MGAT4C: variants seen among roughly 807,000 people sequenced by gnomAD.
The protein encoded by MGAT4C is alpha-1,3-mannosyl-glycoprotein 4-beta-N-acetylglucosaminyltransferase C.
Under a neutral mutation model 40.1 loss-of-function variants are expected in MGAT4C, and 19 were observed. The ratio of observed to expected loss-of-function variants is 0.47; its 90% CI spans 0.33 to 0.70. MGAT4C has a LOEUF of 0.70. Among genes scored for constraint, MGAT4C ranks in the 30% least tolerant of loss-of-function variants. The pLI, the probability that MGAT4C is intolerant of heterozygous loss-of-function variation, is 0.02. For missense variants in MGAT4C, 491 were observed against 563.2 expected (o/e 0.87, Z 1.30); for synonymous variants, 181 against 187.1 (o/e 0.97, Z 0.27).
intron 4 of MGAT4C, among the ~76,000 whole-genome samples, chr12:86,327,435 C>G (rs1474072682): frequency 1.3e-5 from 2 of 151,994 alleles, no homozygotes; most frequent in African/African-American, 2.4e-5. Context: ...AGTCACCACC[C>G]TGCTAACTTT....
At chr12:86,511,219 A>C (rs1372372333) in intron 2 of MGAT4C, among the ~76,000 whole-genome samples, 1 of 152,070 alleles carries the variant, frequency 6.6e-6, no homozygotes, top group Non-Finnish European at 1.5e-5. Flanking sequence ...ATGGAAACTG[A>C]ACAACCTGCT....
chr12:86,520,742 AT>A (rs1958779278), intron 2 of MGAT4C, among the ~76,000 whole-genome samples: 1 of 151,816 alleles, frequency 6.6e-6, no homozygotes, highest in Non-Finnish European at 1.5e-5. Flanking sequence ...AGCACCTGTT[AT>A]TTTTTTCACT....
chr12:86,092,338 T>C (rs1873031360), intron 1 of MGAT4C, among the ~76,000 whole-genome samples: 1 of 152,134 alleles, frequency 6.6e-6, no homozygotes, highest in Admixed American at 6.6e-5. Context: ...GGAGATAAAT[T>C]ACTATTATCC....
chr12:86,116,451 A>T (rs1878436992), intron 1 of MGAT4C, among the ~76,000 whole-genome samples: 1 of 151,998 alleles, frequency 6.6e-6, no homozygotes, highest in African/African-American at 2.4e-5. Flanking sequence ...AACCAACAAG[A>T]CATATGTTAG....
At chr12:86,287,237 TC>T (rs1265288691) in intron 4 of MGAT4C, among the ~76,000 whole-genome samples, 1 of 152,130 alleles carries the variant, frequency 6.6e-6, no homozygotes, top group African/African-American at 2.4e-5. Flanking sequence ...ATTTGCCTTT[TC>T]CCCCAATCTC....
intron 2 of MGAT4C, among the ~76,000 whole-genome samples, chr12:86,604,933 A>G (rs186189999): frequency 6.6e-6 from 1 of 152,198 alleles, no homozygotes; most frequent in Non-Finnish European, 1.5e-5. Context: ...CTTTTATTCT[A>G]GCTGACTGGG....
At chr12:86,121,845 C>T (rs1026046211) in intron 1 of MGAT4C, among the ~76,000 whole-genome samples, 3 of 152,084 alleles carry the variant, frequency 2.0e-5, no homozygotes, top group Non-Finnish European at 4.4e-5. Context: ...ACCAATTGTT[C>T]CCATTTAATT....
intron 2 of MGAT4C, among the ~76,000 whole-genome samples, chr12:85,992,250 G>A (rs1886037179): frequency 6.6e-6 from 1 of 152,216 alleles, no homozygotes; most frequent in Non-Finnish European, 1.5e-5. Flanking sequence ...GGATGACACT[G>A]TCAATCCTCT....
At chr12:86,642,889 G>A (rs1963431643) in intron 2 of MGAT4C, among the ~76,000 whole-genome samples, 1 of 151,542 alleles carries the variant, frequency 6.6e-6, no homozygotes, top group Non-Finnish European at 1.5e-5. Context: ...ATGAGGATAT[G>A]GCAAAAATGA....
chr12:86,374,454 A>C (rs1955786845), intron 3 of MGAT4C, among the ~76,000 whole-genome samples: 1 of 152,150 alleles, frequency 6.6e-6, no homozygotes, highest in Non-Finnish European at 1.5e-5. Flanking sequence ...GCAATCACTG[A>C]AGAAACTATT....
chr12:86,641,157 G>A (rs2136520619), intron 2 of MGAT4C, among the ~76,000 whole-genome samples: 1 of 151,848 alleles, frequency 6.6e-6, no homozygotes, highest in East Asian at 2.0e-4. Context: ...AAGAAAATGT[G>A]GCACTTATAC....
intron 2 of MGAT4C, among the ~76,000 whole-genome samples, chr12:86,025,415 A>G (rs73374410): frequency 0.16 from 24,103 of 151,706 alleles, 2,272 homozygotes; most frequent in African/African-American, 0.27. Context: ...TACATAAAGT[A>G]TATTTCTCTA....
intron 2 of MGAT4C, among the ~76,000 whole-genome samples, chr12:86,685,688 G>T (rs186671189): frequency 6.6e-6 from 1 of 152,166 alleles, no homozygotes; most frequent in African/African-American, 2.4e-5. Context: ...CCATTTGTTT[G>T]TGCCCTCTCT....
At chr12:86,552,445 C>A (rs183469277) in intron 2 of MGAT4C, among the ~76,000 whole-genome samples, 1 of 152,096 alleles carries the variant, frequency 6.6e-6, no homozygotes, top group African/African-American at 2.4e-5. Context: ...AAAATAAGTT[C>A]TAGTGTTCTA....
intron 1 of MGAT4C, among the ~76,000 whole-genome samples, chr12:86,809,282 T>A (rs1952424508): frequency 6.6e-6 from 1 of 152,132 alleles, no homozygotes; most frequent in African/African-American, 2.4e-5. Context: ...ATGCTATGTA[T>A]ATACACAGTT....
chr12:86,456,058 G>A (rs997947109), intron 2 of MGAT4C, among the ~76,000 whole-genome samples: 1 of 152,050 alleles, frequency 6.6e-6, no homozygotes, highest in East Asian at 1.9e-4. Flanking sequence ...ATGAGAAAGT[G>A]TTTTAATATA....
intron 3 of MGAT4C, among the ~76,000 whole-genome samples, chr12:85,987,026 C>T (rs1885283835): frequency 6.7e-6 from 1 of 150,082 alleles, no homozygotes; most frequent in South Asian, 2.1e-4. Flanking sequence ...AAAATGCTAT[C>T]ATCAAACTTA....
At chr12:86,814,529 A>G (rs1489122453) in intron 1 of MGAT4C, among the ~76,000 whole-genome samples, 1 of 151,604 alleles carries the variant, frequency 6.6e-6, no homozygotes, top group Admixed American at 6.6e-5. Flanking sequence ...ATTAATTCCA[A>G]TTCTCTTACA....
At chr12:86,095,412 G>A (rs368875268) in intron 1 of MGAT4C, among the ~76,000 whole-genome samples, 1 of 152,052 alleles carries the variant, frequency 6.6e-6, no homozygotes, top group South Asian at 2.1e-4. Flanking sequence ...TTGAAAGGAT[G>A]CTTTCTAATT....
Sources: gnomAD v4.1 joint callset for allele counts (sites outside exome capture counted in the v4.1 genomes callset) on GRCh38, gnomAD v4.1.1 for gene constraint, MANE v1.5 for transcripts, NCBI Gene and HGNC (gene_info 2026-07-23, HGNC 2026-07-21) for gene names.